Variants in SCEL observed in about 807,000 individuals in gnomAD.
SCEL encodes sciellin.
Under a neutral mutation model 117.6 loss-of-function variants are expected in SCEL, and 113 were observed. That is an observed-to-expected ratio of 0.96 (90% confidence interval 0.83 to 1.12). SCEL has a LOEUF of 1.12. Among genes scored for constraint, SCEL ranks in the 50% most tolerant of loss-of-function variants. The pLI, the probability that SCEL is intolerant of heterozygous loss-of-function variation, is 0.00. For missense variants in SCEL, 785 were observed against 810.8 expected (o/e 0.97, Z 0.39); for synonymous variants, 270 against 256.2 (o/e 1.05, Z -0.51).
intron 1 of SCEL, among the ~76,000 whole-genome samples, chr13:77,538,697 A>G (rs1055769403): frequency 2.0e-5 from 3 of 152,180 alleles, no homozygotes; most frequent in African/African-American, 7.2e-5. Context: ...TTACTTCTAG[A>G]TACAAGAACT....
At chr13:77,601,954 G>A (rs1015861203) in intron 15 of SCEL, 111 bp from the exon 16 acceptor site, 5 of 755,156 alleles carry the variant, frequency 6.6e-6, no homozygotes, top group Non-Finnish European at 1.0e-5. Context: ...TGTATCTTAT[G>A]AGATTCTCTT....
intron 1 of SCEL, among the ~76,000 whole-genome samples, chr13:77,547,254 A>T (rs1017870750): frequency 6.6e-6 from 1 of 152,202 alleles, no homozygotes; most frequent in Non-Finnish European, 1.5e-5. Context: ...TGTAATTTAA[A>T]AGAGAGAGGC....
chr13:77,621,650 T>C (rs2089430632), intron 27 of SCEL, among the ~76,000 whole-genome samples: 1 of 152,226 alleles, frequency 6.6e-6, no homozygotes, highest in Non-Finnish European at 1.5e-5. Context: ...TAATGCATAA[T>C]GCAATGCCTG....
rs781299087 is a variant in SCEL at position 77,610,091 on chromosome 13, A to G, written c.1322A>G (p.Asn441Ser). 5.0e-6 allele frequency: 8 copies of G among 1,609,840 alleles called. No homozygotes were observed. Among genetic ancestry groups the G allele is most frequent in the Non-Finnish European group, 6.8e-6 (8 of 1,177,588 alleles). Reference sequence around the variant, plus strand: ...CTCATTAAAGTGACTCCTGAAAGAAACAGAACTAACCAAGGGTAAGGTTTA... The same window carrying G: ...CTCATTAAAGTGACTCCTGAAAGAAGCAGAACTAACCAAGGGTAAGGTTTA... Reference protein sequence around the residue: ...DSLIKVTPERNRTNQGNQDLE... With the variant: ...DSLIKVTPERSRTNQGNQDLE... The change falls in exon 22 of 33, where the codon AAC becomes AGC. Residue 441 changes from asparagine (N) to serine (S), a missense_variant. Transcript: ENST00000349847.
rs2089995902 is a variant in SCEL, at chr13:77,630,970, G to GTTTCCCAAACTT, written c.1691+2964_1691+2975dup. The stretch of plus-strand genomic sequence containing the variant: ...TTGGCAGAGGTTCTTCTGTTGCGCT[G>GTTTCCCAAACTT]TTTCCCAAACTTTTGGGTACATCAG... On this transcript the variant is annotated intron_variant, in intron 28 of 32. Coordinates refer to ENST00000349847, the MANE Select transcript of SCEL (RefSeq NM_144777.3). Among the ~76,000 whole-genome samples, 4 of 152,302 alleles carry GTTTCCCAAACTT rather than the reference G, an allele frequency of 2.6e-5. No homozygotes were observed. In the South Asian group the frequency reaches 8.3e-4, roughly 32 times the overall value.
chr13:77,596,464 C>A (rs1237316762), intron 12 of SCEL, among the ~76,000 whole-genome samples: 1 of 152,062 alleles, frequency 6.6e-6, no homozygotes, highest in South Asian at 2.1e-4. Context: ...ACTTTATATT[C>A]ATGAGCTTAT....
chr13:77,556,442 C>G (rs1460228789), intron 2 of SCEL, among the ~76,000 whole-genome samples, 154 bp from the exon 3 acceptor site: 1 of 152,186 alleles, frequency 6.6e-6, no homozygotes, highest in Non-Finnish European at 1.5e-5. Context: ...TCTGTTCTTT[C>G]TTGCTGGTGC....
chr13:77,608,976 G>A (rs2088437109), intron 20 of SCEL, 82 bp from the exon 21 acceptor site: 3 of 1,104,634 alleles, frequency 2.7e-6, no homozygotes, highest in Non-Finnish European at 3.9e-6. Context: ...TTTATCTTGA[G>A]TACATGTATC....
chr13:77,612,727 A>T (rs1378275700), intron 22 of SCEL, among the ~76,000 whole-genome samples, 164 bp from the exon 23 acceptor site: 1 of 152,044 alleles, frequency 6.6e-6, no homozygotes, highest in Non-Finnish European at 1.5e-5. Flanking sequence ...AAATGTATGC[A>T]GGAAATGAAT....
chr13:77,568,097 GA>G (rs1473820530), intron 6 of SCEL, among the ~76,000 whole-genome samples, 197 bp from the exon 7 acceptor site: 6 of 151,914 alleles, frequency 3.9e-5, no homozygotes, highest in Non-Finnish European at 7.4e-5. Context: ...ATTTTCAGAA[GA>G]AAAAAAATTC....
At chr13:77,576,316 T>TCCC (rs10667845) in intron 9 of SCEL, among the ~76,000 whole-genome samples, 141,041 of 151,950 alleles carry the variant, frequency 0.93, 65,499 homozygotes, top group South Asian at 0.96. Context: ...ACCAGCACAC[T>TCCC]CCAACACACT....
chr13:77,547,655 A>G (rs2084068248), intron 1 of SCEL, among the ~76,000 whole-genome samples: 1 of 152,218 alleles, frequency 6.6e-6, no homozygotes, highest in African/African-American at 2.4e-5. Flanking sequence ...TCTGTAGAGG[A>G]AAACAGGTAT....
chr13:77,612,456 CTTTTTTTTTTTTTTTTTTT>C (rs71102764), intron 22 of SCEL, among the ~76,000 whole-genome samples: 2 of 93,544 alleles, frequency 2.1e-5, no homozygotes, highest in African/African-American at 7.1e-5. Context: ...TTTTTCTTTT[CTTTTTTTTTTTTTTTTTTT>C]TTTTTTTTTT....
rs2090173951 is a variant in SCEL at position 77,634,398 on chromosome 13, C to CTGTTGTGTACACA, written c.1711_1712insTGTTGTGTACACA (p.Gln571LeufsTer22). 6.2e-7 allele frequency: 1 copy of CTGTTGTGTACACA among 1,613,228 alleles called. No individual in the cohort carries two copies. The highest frequency in any genetic ancestry group is 1.7e-5 in the Admixed American group (1 of 59,996). On this transcript the variant is annotated frameshift_variant, in exon 29 of 33. Transcript: ENST00000349847. LOFTEE classifies it high-confidence loss of function. ...TTGCAGCTCTAACACTGGAGCCAAG[C>CTGTTGTGTACACA]AGGCAGGACCACAGGATACTGTTGT... is the stretch of plus-strand genomic sequence containing the variant.
chr13:77,601,845 G>C (rs1280933988), intron 15 of SCEL, among the ~76,000 whole-genome samples: 1 of 152,172 alleles, frequency 6.6e-6, no homozygotes, highest in Non-Finnish European at 1.5e-5. Context: ...AGTAATGGTT[G>C]GTATCTTAGT....
chr13:77,617,545 T>TA, intron 24 of SCEL, 54 bp from the exon 25 acceptor site: 1 of 1,066,846 alleles, frequency 9.4e-7, no homozygotes, highest in Non-Finnish European at 1.4e-6. Context: ...CCAATTACCT[T>TA]AAACCTGTGA....
intron 4 of SCEL, among the ~76,000 whole-genome samples, chr13:77,560,675 A>C (rs576060066): frequency 7.2e-5 from 11 of 152,338 alleles, no homozygotes; most frequent in African/African-American, 2.2e-4. Context: ...CAATGATACA[A>C]ATAATCTCAG....
At chr13:77,599,270 T>C (rs1455845976) in intron 13 of SCEL, 59 bp from the exon 14 acceptor site, 11 of 1,219,216 alleles carry the variant, frequency 9.0e-6, no homozygotes, top group African/African-American at 4.6e-5. Context: ...TATGTTCTTA[T>C]AGAGTTAAGC....
chr13:77,603,020 A>G (rs2087830610), intron 17 of SCEL, 56 bp from the exon 18 acceptor site: 2 of 925,152 alleles, frequency 2.2e-6, no homozygotes, highest in Admixed American at 2.5e-5. Context: ...CAGAAGATGT[A>G]TGTGTCTAAT....
Sources: allele counts gnomAD v4.1 joint callset (sites outside exome capture counted in the v4.1 genomes callset), GRCh38; gene constraint gnomAD v4.1.1; transcripts MANE v1.5; gene names NCBI Gene and HGNC (gene_info 2026-07-23, HGNC 2026-07-21).